Variants in SLIT1 observed in about 807,000 individuals in gnomAD.
SLIT1 encodes the protein slit guidance ligand 1.
SLIT1 carries 66 observed loss-of-function variants against 186.1 expected under a neutral mutation model. That is an observed-to-expected ratio of 0.35 (90% CI 0.29 to 0.44). The LOEUF is 0.44. SLIT1 is among the 20% of genes least tolerant of loss of function. SLIT1 has a pLI of 1.00. For missense variants in SLIT1, 1,638 were observed against 2,037.4 expected (o/e 0.80, Z 3.77); for synonymous variants, 761 against 833.8 (o/e 0.91, Z 1.50).
chr10:97,108,319 T>A (rs2134677031), intron 4 of SLIT1, among the ~76,000 whole-genome samples: 1 of 152,352 alleles, frequency 6.6e-6, no homozygotes, highest in East Asian at 1.9e-4. Context: ...CACCTCTCCG[T>A]GCCTCAGTTT....
chr10:97,172,799 TG>T (rs1485128856), intron 1 of SLIT1, among the ~76,000 whole-genome samples: 1 of 151,680 alleles, frequency 6.6e-6, no homozygotes, highest in Non-Finnish European at 1.5e-5. Flanking sequence ...GAGACTGAGG[TG>T]GGGGGATCAC....
chr10:97,016,442 C>A (rs951216877), intron 28 of SLIT1, among the ~76,000 whole-genome samples: 1 of 152,204 alleles, frequency 6.6e-6, no homozygotes, highest in Non-Finnish European at 1.5e-5. Context: ...GTTGCCCAGA[C>A]TGGAGTGCAG....
At chr10:97,039,018 C>T (rs1589371006) in intron 21 of SLIT1, among the ~76,000 whole-genome samples, 1 of 152,172 alleles carries the variant, frequency 6.6e-6, no homozygotes, top group African/African-American at 2.4e-5. Flanking sequence ...TTGTAGGACA[C>T]TAACTCTGCA....
chr10:97,086,534 T>C (rs979872038), intron 4 of SLIT1, among the ~76,000 whole-genome samples: 2 of 152,022 alleles, frequency 1.3e-5, no homozygotes, highest in Non-Finnish European at 2.9e-5. Context: ...GCCGAGATCG[T>C]GCCACTGCAC....
intron 4 of SLIT1, among the ~76,000 whole-genome samples, chr10:97,137,944 A>C (rs1245216255): frequency 6.6e-6 from 1 of 152,220 alleles, no homozygotes; most frequent in African/African-American, 2.4e-5. Flanking sequence ...AAGATTAAGC[A>C]ACTTGCCAGG....
At chr10:97,087,966 G>C (rs1008120146) in intron 4 of SLIT1, among the ~76,000 whole-genome samples, 1 of 152,100 alleles carries the variant, frequency 6.6e-6, no homozygotes, top group African/African-American at 2.4e-5. Context: ...CCCAGCCCCC[G>C]AGACCTGCTG....
At chr10:97,034,266 A>G (rs1470894292) in intron 23 of SLIT1, among the ~76,000 whole-genome samples, 1 of 152,180 alleles carries the variant, frequency 6.6e-6, no homozygotes, top group Non-Finnish European at 1.5e-5. Flanking sequence ...TTTTTGCATT[A>G]TTATTTTCCA....
chr10:97,163,517 A>G, intron 2 of SLIT1, 66 bp from the exon 3 acceptor site: 4 of 1,437,772 alleles, frequency 2.8e-6, no homozygotes, highest in Non-Finnish European at 2.9e-6. Flanking sequence ...AACAGCTGGC[A>G]CAACGGCGGG....
Position 97,004,674 on chromosome 10 carries a change from G to T in SLIT1, c.3710+19C>A, listed in dbSNP as rs754306735. The T allele has an allele frequency of 6.2e-7, 1 of 1,613,908 alleles. No homozygotes were observed. Among genetic ancestry groups the T allele is most frequent in the East Asian group, 2.2e-5 (1 of 44,872 alleles). ...TCCCGTACCCCTGAGGGCAGCTGGG[G>T]GGCATAAGGAAGCCCTACCTGTAGA... On this transcript the variant is annotated intron_variant, in intron 33 of 36. Coordinates refer to ENST00000266058, the MANE Select transcript of SLIT1 (RefSeq NM_003061.3). The surrounding 1 kb of genome is among the most constrained non-coding windows in gnomAD (Gnocchi z 5.1).
chr10:97,107,852 A>G (rs1250698905), intron 4 of SLIT1, among the ~76,000 whole-genome samples: 1 of 152,070 alleles, frequency 6.6e-6, no homozygotes, highest in Non-Finnish European at 1.5e-5. Context: ...TGCCACTCCC[A>G]CTGCCCACCA....
intron 4 of SLIT1, among the ~76,000 whole-genome samples, chr10:97,143,712 G>A (rs907144154): frequency 4.6e-5 from 7 of 152,198 alleles, no homozygotes; most frequent in Non-Finnish European, 8.8e-5. Flanking sequence ...GCAGAACCGA[G>A]TTGCAGATAC....
chr10:97,043,836 A>G lies in SLIT1; in HGVS notation c.1854-323T>C, dbSNP rs1848712988. On this transcript the variant is annotated intron_variant, in intron 18 of 36. Transcript: ENST00000266058. This position sits in a 1 kb window ranked among gnomAD's most constrained non-coding sequence, Gnocchi z 7.0. Reference sequence around the variant, plus strand: ...TGCCCGTCTTTAGGCCATGCTCCACATCAGTGCCCAGGAGACTTCCTGAAA... The same window carrying G: ...TGCCCGTCTTTAGGCCATGCTCCACGTCAGTGCCCAGGAGACTTCCTGAAA... Among the ~76,000 whole-genome samples, 1 of 152,084 alleles carries G rather than the reference A, an allele frequency of 6.6e-6. No individual in the cohort carries two copies. The highest frequency in any genetic ancestry group is 1.5e-5 in the Non-Finnish European group (1 of 67,990).
chr10:97,140,635 G>A (rs1002556951), intron 4 of SLIT1, among the ~76,000 whole-genome samples: 1 of 152,150 alleles, frequency 6.6e-6, no homozygotes, highest in African/African-American at 2.4e-5. Context: ...GGAGCAGAGG[G>A]GTACAAACAC....
At chr10:97,052,540 A>G (rs140434971) in intron 13 of SLIT1, among the ~76,000 whole-genome samples, 502 of 152,344 alleles carry the variant, frequency 3.3e-3, no homozygotes, top group African/African-American at 0.011. Flanking sequence ...CTAAAGTTGA[A>G]TCGTAGTGAT....
chr10:97,180,605 G>A (rs572478785), intron 1 of SLIT1, among the ~76,000 whole-genome samples: 4 of 152,358 alleles, frequency 2.6e-5, no homozygotes, highest in Admixed American at 2.6e-4. Context: ...CCCGCCAGCT[G>A]CTGAGTGGCA....
At chr10:97,018,239 A>T (rs1848471109) in intron 28 of SLIT1, among the ~76,000 whole-genome samples, 3 of 152,180 alleles carry the variant, frequency 2.0e-5, no homozygotes, top group Admixed American at 2.0e-4. Context: ...AGTGCCTTCA[A>T]AAAGGCCCCC....
At chr10:97,037,858 C>A (rs148848726) in intron 21 of SLIT1, 92 bp from the exon 22 acceptor site, 2 of 922,022 alleles carry the variant, frequency 2.2e-6, no homozygotes, top group African/African-American at 3.2e-5. Flanking sequence ...AGGGACTTCG[C>A]TCTCATTTCC....
chr10:97,080,366 C>T (rs1211392490), intron 4 of SLIT1, among the ~76,000 whole-genome samples: 1 of 152,218 alleles, frequency 6.6e-6, no homozygotes, highest in Non-Finnish European at 1.5e-5. Context: ...AAGCAATACC[C>T]TCACTAGCAT....
At chr10:97,164,095 C>T (rs1325481849) in intron 2 of SLIT1, among the ~76,000 whole-genome samples, 2 of 152,226 alleles carry the variant, frequency 1.3e-5, no homozygotes, top group Non-Finnish European at 2.9e-5. Context: ...ATCCCCTCAC[C>T]GCCAACGTGC....
Sources: allele counts gnomAD v4.1 joint callset (sites outside exome capture counted in the v4.1 genomes callset), GRCh38; gene constraint gnomAD v4.1.1; non-coding constraint Gnocchi (gnomAD v3.1); transcripts MANE v1.5; gene names NCBI Gene and HGNC (gene_info 2026-07-23, HGNC 2026-07-21).